SHISA6: variants seen among roughly 807,000 people sequenced by gnomAD.
The protein encoded by SHISA6 is protein shisa-6.
Under a neutral mutation model 47.9 loss-of-function variants are expected in SHISA6, and 22 were observed. That is an observed-to-expected ratio of 0.46 (90% confidence interval 0.33 to 0.66). SHISA6 has a LOEUF of 0.66. SHISA6 is among the 30% of genes least tolerant of loss of function. SHISA6 has a pLI of 0.02. For synonymous variants in SHISA6, 388 were observed against 337.8 expected, an observed-to-expected ratio of 1.15 and a Z score of -1.63; for missense variants, 680 against 764.6, an observed-to-expected ratio of 0.89 and a Z score of 1.30.
intron 3 of SHISA6, among the ~76,000 whole-genome samples, chr17:11,464,261 T>C (rs900525892): frequency 6.6e-6 from 1 of 152,208 alleles, no homozygotes; most frequent in African/African-American, 2.4e-5. Flanking sequence ...ATTAGCTGTA[T>C]GATCAACAGG....
In SHISA6 at chr17:11,259,591, G is replaced by A. The variant is rs532604693; in HGVS notation, c.639-3775G>A. 5.3e-5 allele frequency among the ~76,000 whole-genome samples: 8 copies of A among 152,328 alleles called. No individual in the cohort carries two copies. The East Asian group carries it at 1.5e-3, about 29-fold the overall frequency. ...GGTAACACGTTAAAATGTTGACTGG[G>A]CTTGGTCCCTGCAGGTGTTGAGATA... On this transcript the variant is annotated intron_variant, in intron 1 of 5. Transcript: ENST00000441885.
intron 2 of SHISA6, among the ~76,000 whole-genome samples, chr17:11,275,570 A>T (rs192060439): frequency 1.8e-4 from 27 of 152,320 alleles, no homozygotes; most frequent in Admixed American, 7.8e-4. Context: ...ACGGACATAT[A>T]CTTGAAATCA....
In SHISA6 at chr17:11,560,457, A is replaced by C. The variant is rs1349810177; in HGVS notation, c.*2153A>C. 1 of 152,424 alleles carries C rather than the reference A, an allele frequency of 6.6e-6. No homozygotes were observed. Among genetic ancestry groups the C allele is most frequent in the Non-Finnish European group, 1.5e-5 (1 of 68,240 alleles). 9.4% of individuals were successfully genotyped at this position (152,424 alleles called of 1,614,324 possible). A position where few individuals can be genotyped will look rare whatever the true frequency, so the allele number is the denominator to read the frequency against. Reference sequence around the variant, plus strand: ...TAAGAGGGTTGGAAAGGAAGAAGTGAGTCTGAATAGAGCAGGTGGCTCCCA... The same window carrying C: ...TAAGAGGGTTGGAAAGGAAGAAGTGCGTCTGAATAGAGCAGGTGGCTCCCA... On this transcript the variant is annotated 3_prime_UTR_variant, in exon 6 of 6. Coordinates refer to ENST00000441885, the MANE Select transcript of SHISA6 (RefSeq NM_207386.4).
chr17:11,303,355 TTG>T (rs1369725977), intron 2 of SHISA6, among the ~76,000 whole-genome samples: 1 of 151,794 alleles, frequency 6.6e-6, no homozygotes, highest in Non-Finnish European at 1.5e-5. Context: ...GTGAGTATGG[TTG>T]TGTGTGGTGT....
chr17:11,357,625 T>G (rs1376416100), intron 2 of SHISA6, among the ~76,000 whole-genome samples: 1 of 152,234 alleles, frequency 6.6e-6, no homozygotes, highest in South Asian at 2.1e-4. Flanking sequence ...AAACTGTTCT[T>G]CAAAAGATAG....
chr17:11,310,143 A>T (rs1910265647), intron 2 of SHISA6, among the ~76,000 whole-genome samples: 1 of 152,174 alleles, frequency 6.6e-6, no homozygotes, highest in African/African-American at 2.4e-5. Context: ...ATTGGGATGG[A>T]CAGTCTCCAT....
chr17:11,539,978 G>T (rs149829738), intron 3 of SHISA6, among the ~76,000 whole-genome samples: 1 of 152,154 alleles, frequency 6.6e-6, no homozygotes, highest in Non-Finnish European at 1.5e-5. Flanking sequence ...CCGCAGAGAA[G>T]AGCCCTCGAC....
At chr17:11,511,548 T>C (rs946705141) in intron 3 of SHISA6, among the ~76,000 whole-genome samples, 1 of 151,278 alleles carries the variant, frequency 6.6e-6, no homozygotes, top group Non-Finnish European at 1.5e-5. Context: ...AATTGATGAA[T>C]AGAGAAAATG....
At chr17:11,445,152 A>C (rs573000647) in intron 3 of SHISA6, among the ~76,000 whole-genome samples, 2 of 152,254 alleles carry the variant, frequency 1.3e-5, no homozygotes, top group Admixed American at 1.3e-4. Context: ...GGTGGTAGAC[A>C]ACTGACATCT....
intron 3 of SHISA6, among the ~76,000 whole-genome samples, chr17:11,491,650 T>TA (rs1478908518): frequency 2.6e-5 from 4 of 151,614 alleles, no homozygotes; most frequent in Admixed American, 1.3e-4. Flanking sequence ...TATGGAGGAG[T>TA]AATGGACAAA....
intron 2 of SHISA6, among the ~76,000 whole-genome samples, chr17:11,283,051 A>G (rs971576216): frequency 6.6e-6 from 1 of 152,234 alleles, no homozygotes; most frequent in Non-Finnish European, 1.5e-5. Flanking sequence ...CCAGACCTAG[A>G]TATTGTCCCA....
At chr17:11,555,963 T>C (rs890975222) in intron 5 of SHISA6, 71 bp downstream of exon 5, 37 of 1,442,104 alleles carry the variant, frequency 2.6e-5, no homozygotes, top group Admixed American at 2.6e-4. Flanking sequence ...TCACACTCTC[T>C]TGCTCCATAC....
At chr17:11,270,372 C>T (rs969213025) in intron 2 of SHISA6, among the ~76,000 whole-genome samples, 1 of 152,228 alleles carries the variant, frequency 6.6e-6, no homozygotes, top group Non-Finnish European at 1.5e-5. Context: ...CTTTCCCTGA[C>T]TTCTCTTTCC....
intron 2 of SHISA6, among the ~76,000 whole-genome samples, chr17:11,352,153 A>G (rs1299071741): frequency 6.6e-6 from 1 of 151,912 alleles, no homozygotes; most frequent in African/African-American, 2.4e-5. Context: ...AGGAGGAGAG[A>G]GAGGGTAGGT....
intron 2 of SHISA6, among the ~76,000 whole-genome samples, chr17:11,339,469 A>T (rs1406096725): frequency 6.6e-6 from 1 of 152,186 alleles, no homozygotes; most frequent in Non-Finnish European, 1.5e-5. Flanking sequence ...TTTTTCTACA[A>T]GAAACGTGTT....
intron 3 of SHISA6, among the ~76,000 whole-genome samples, chr17:11,549,426 TAAAA>T (rs35976769): frequency 0.29 from 44,602 of 151,940 alleles, 6,887 homozygotes; most frequent in East Asian, 0.53. Flanking sequence ...CTTCATCTGT[TAAAA>T]AAATACAACA....
intron 2 of SHISA6, among the ~76,000 whole-genome samples, chr17:11,306,078 T>A (rs1353229438): frequency 6.6e-6 from 1 of 152,192 alleles, no homozygotes; most frequent in Non-Finnish European, 1.5e-5. Context: ...AAATAGCTCA[T>A]TTTACTGAAT....
chr17:11,356,236 C>G (rs1420133555), intron 2 of SHISA6, among the ~76,000 whole-genome samples: 2 of 152,178 alleles, frequency 1.3e-5, no homozygotes, highest in African/African-American at 4.8e-5. Flanking sequence ...CTTAGAGAAC[C>G]AAGCACCAGT....
chr17:11,343,799 A>G (rs1911611220), intron 2 of SHISA6, among the ~76,000 whole-genome samples: 1 of 152,356 alleles, frequency 6.6e-6, no homozygotes, highest in Admixed American at 6.5e-5. Context: ...AAAATGAAGG[A>G]CAAGAGGATG....
Sources: gnomAD v4.1 joint callset for allele counts (sites outside exome capture counted in the v4.1 genomes callset) on GRCh38, gnomAD v4.1.1 for gene constraint, MANE v1.5 for transcripts, NCBI Gene and HGNC (gene_info 2026-07-23, HGNC 2026-07-21) for gene names.